Variants in PHEX observed in about 807,000 individuals in gnomAD.
PHEX encodes the protein phosphate regulating endopeptidase X-linked, also known as phosphate-regulating neutral endopeptidase PHEX.
Under a neutral mutation model 68.0 loss-of-function variants are expected in PHEX, and 16 were observed. That is an observed-to-expected ratio of 0.24 (90% CI 0.16 to 0.36). The LOEUF is 0.36. PHEX is among the 10% of genes least tolerant of loss of function. The pLI is 1.00. For synonymous variants in PHEX, 208 were observed against 205.1 expected, an observed-to-expected ratio of 1.01 and a Z score of -0.12; for missense variants, 480 against 575.5, an observed-to-expected ratio of 0.83 and a Z score of 1.70.
chrX:22,116,779 G>C (rs972687144), intron 11 of PHEX, among the ~76,000 whole-genome samples: 1 of 111,215 alleles, frequency 9.0e-6, no homozygotes, highest in African/African-American at 3.3e-5. Context: ...TTGAACCACT[G>C]CCCATATACA....
chrX:22,126,579 A>G (rs1334766678), intron 11 of PHEX, among the ~76,000 whole-genome samples: 1 of 111,610 alleles, frequency 9.0e-6, no homozygotes, highest in Non-Finnish European at 1.9e-5. Flanking sequence ...GGGTAAGGAG[A>G]GGGCAAGAGG....
intron 20 of PHEX, among the ~76,000 whole-genome samples, chrX:22,238,213 C>T (rs1406152453): frequency 8.9e-6 from 1 of 112,512 alleles, no homozygotes; most frequent in African/African-American, 3.2e-5. Flanking sequence ...CGGGTGATTT[C>T]TGCATTTCCA....
intron 3 of PHEX, among the ~76,000 whole-genome samples, chrX:22,054,392 C>T (rs1256544866): frequency 8.9e-6 from 1 of 112,047 alleles, no homozygotes; most frequent in Non-Finnish European, 1.9e-5. Context: ...ACCTCAGCCT[C>T]CCAAAGTGCT....
At chrX:22,154,857 G>C (rs948816160) in intron 12 of PHEX, among the ~76,000 whole-genome samples, 2 of 112,190 alleles carry the variant, frequency 1.8e-5, no homozygotes, top group African/African-American at 3.2e-5. Context: ...ATATATGTGG[G>C]CACTGGCCCT....
intron 20 of PHEX, among the ~76,000 whole-genome samples, chrX:22,237,901 C>T (rs766607897): frequency 8.9e-6 from 1 of 112,891 alleles, no homozygotes; most frequent in African/African-American, 3.2e-5. Context: ...GTAAGTTATG[C>T]TGCAGAAACA....
At chrX:22,178,945 C>T (rs1278189195) in intron 14 of PHEX, among the ~76,000 whole-genome samples, 1 of 111,853 alleles carries the variant, frequency 8.9e-6, no homozygotes, top group African/African-American at 3.2e-5. Context: ...CCACCAGCTA[C>T]GATTTCATCC....
intron 13 of PHEX, among the ~76,000 whole-genome samples, chrX:22,175,201 A>G (rs1051583883): frequency 8.9e-6 from 1 of 112,304 alleles, no homozygotes; most frequent in Non-Finnish European, 1.9e-5. Context: ...AACAATTTTT[A>G]AATTATCTTT....
intron 12 of PHEX, among the ~76,000 whole-genome samples, chrX:22,138,013 G>A (rs1007464688): frequency 8.9e-6 from 1 of 112,453 alleles, no homozygotes; most frequent in African/African-American, 3.2e-5. Context: ...GGCTCTGGGA[G>A]CTTTTCCAAT....
intron 20 of PHEX, among the ~76,000 whole-genome samples, chrX:22,242,460 A>C (rs955902375): frequency 7.2e-5 from 8 of 111,811 alleles, no homozygotes; most frequent in Admixed American, 3.8e-4. Context: ...AGGGTATTCA[A>C]ATAGGAAGAA....
chrX:22,066,907 C>T (rs1165937230), intron 3 of PHEX, among the ~76,000 whole-genome samples: 2 of 110,984 alleles, frequency 1.8e-5, no homozygotes, highest in African/African-American at 6.6e-5. Flanking sequence ...TGATGTTTAT[C>T]TCTCTCTTCC....
chrX:22,143,625 A>C (rs1932557929), intron 12 of PHEX, among the ~76,000 whole-genome samples: 1 of 112,189 alleles, frequency 8.9e-6, no homozygotes, highest in Non-Finnish European at 1.9e-5. Context: ...CTATGGATTC[A>C]TGTATTTTGG....
Position 22,040,326 on chromosome X carries a change from CAAT to C in PHEX, c.187+1792_187+1794del, listed in dbSNP as rs1927216558. ...AGTGAACCAGGTATGGGAAGAAAGA[CAAT>C]AAGGCAATTAATACAATGAGAAAAT... On this transcript the variant is annotated intron_variant, in intron 2 of 21. Coordinates refer to ENST00000379374, the MANE Select transcript of PHEX (RefSeq NM_000444.6). 2.7e-5 allele frequency among the ~76,000 whole-genome samples: 3 copies of C among 111,492 alleles called. No homozygotes were observed. In the South Asian group the frequency reaches 1.1e-3, roughly 42 times the overall value.
At chrX:22,184,699 T>C (rs1933977008) in intron 14 of PHEX, among the ~76,000 whole-genome samples, 1 of 112,146 alleles carries the variant, frequency 8.9e-6, no homozygotes, top group South Asian at 3.7e-4. Context: ...GAAAGTAATT[T>C]CTTTCCCTCA....
chrX:22,052,610 A>T (rs1927887280), intron 3 of PHEX, among the ~76,000 whole-genome samples: 2 of 111,921 alleles, frequency 1.8e-5, no homozygotes, highest in South Asian at 7.4e-4. Flanking sequence ...CACTTGGAAC[A>T]TGAGTTTAGA....
At chrX:22,209,940 T>TAA (rs200608326) in intron 15 of PHEX, among the ~76,000 whole-genome samples, 4 of 91,220 alleles carry the variant, frequency 4.4e-5, no homozygotes, top group African/African-American at 1.7e-4. Flanking sequence ...GTTGAAATGG[T>TAA]AAAAAAAAAA....
At chrX:22,228,760 G>A (rs1382229033) in intron 20 of PHEX, among the ~76,000 whole-genome samples, 1 of 110,772 alleles carries the variant, frequency 9.0e-6, no homozygotes, top group Non-Finnish European at 1.9e-5. Flanking sequence ...TAAGTTCTGG[G>A]GTACACGTGC....
intron 12 of PHEX, among the ~76,000 whole-genome samples, chrX:22,139,171 T>C (rs1932353060): frequency 9.0e-6 from 1 of 111,674 alleles, no homozygotes; most frequent in Admixed American, 9.5e-5. Context: ...AGATTTGTTA[T>C]GAGGATTAAA....
At chrX:22,088,781 A>G (rs1420513058) in intron 5 of PHEX, among the ~76,000 whole-genome samples, 1 of 111,578 alleles carries the variant, frequency 9.0e-6, no homozygotes, top group Non-Finnish European at 1.9e-5. Flanking sequence ...GTTTCTTTCA[A>G]GAGCAAATTT....
At chrX:22,115,243 A>T (rs1202673345) in intron 11 of PHEX, among the ~76,000 whole-genome samples, 1 of 111,859 alleles carries the variant, frequency 8.9e-6, no homozygotes, top group African/African-American at 3.3e-5. Context: ...AGGCAGGAGA[A>T]TTGCTTGAAC....
Sources: allele counts gnomAD v4.1 joint callset (sites outside exome capture counted in the v4.1 genomes callset), GRCh38; gene constraint gnomAD v4.1.1; transcripts MANE v1.5; gene names NCBI Gene and HGNC (gene_info 2026-07-23, HGNC 2026-07-21).